Variants in ZFHX3 observed in about 807,000 individuals in gnomAD.
The protein encoded by ZFHX3 is zinc finger homeobox 3.
Under a neutral mutation model 279.1 loss-of-function variants are expected in ZFHX3, and 42 were observed. That is an observed-to-expected ratio of 0.15 (90% CI 0.12 to 0.19). ZFHX3 has a LOEUF of 0.19. Among genes scored for constraint, ZFHX3 ranks in the 10% least tolerant of loss-of-function variants. The pLI is 1.00. For missense variants in ZFHX3, 4,981 were observed against 4,754.0 expected (o/e 1.05, Z -1.40); for synonymous variants, 2,293 against 1,957.8 (o/e 1.17, Z -4.52).
chr16:73,400,335 T>C (rs897096736), intron 3 of ZFHX3: 2 of 152,234 alleles, frequency 1.3e-5, no homozygotes, highest in African/African-American at 4.8e-5. Flanking sequence ...GTACATGAGC[T>C]ATTGGTGTGA....
In ZFHX3 at chr16:73,509,756, C is replaced by T. The variant is rs576239864; in HGVS notation, c.-1546-53498G>A. ...TGTTGCCCAGGCTGGAGTGCAGTGG[C>T]GTGATCTCGGCTCACTGCAACCTCC... On this transcript the variant is annotated intron_variant, in intron 2 of 17. Transcript: ENST00000641206. Among the ~76,000 whole-genome samples the T allele has an allele frequency of 2.4e-4, 34 of 142,334 alleles. 1 individual carries two copies. The East Asian group carries it at 4.9e-3, about 21-fold the overall frequency. 93.4% of individuals were successfully genotyped at this position (142,334 alleles called of 152,430 possible). A position where few individuals can be genotyped will look rare whatever the true frequency, so the allele number is the denominator to read the frequency against.
intron 1 of ZFHX3, among the ~76,000 whole-genome samples, chr16:73,834,898 AG>A: frequency 7.5e-6 from 1 of 133,936 alleles, no homozygotes; most frequent in Non-Finnish European, 1.7e-5. Flanking sequence ...CAAAAAAAAA[AG>A]AAGCGTCTCC....
In ZFHX3 at chr16:72,815,000, T is replaced by A. The variant is rs1597267706; in HGVS notation, c.3530-2962A>T. Among the ~76,000 whole-genome samples the A allele has an allele frequency of 2.0e-5, 3 of 152,202 alleles. No homozygotes were observed. The South Asian group carries it at 6.2e-4, about 31-fold the overall frequency. ...TGATGTGGGGATGGCTCCTAAGAGT[T>A]AACTATGGCTGACACATGCCCCTCC... is the stretch of plus-strand genomic sequence containing the variant. On this transcript the variant is annotated intron_variant, in intron 5 of 9. Coordinates refer to ENST00000268489, the MANE Select transcript of ZFHX3 (RefSeq NM_006885.4).
In ZFHX3 at chr16:72,876,130, A is replaced by G. The variant is rs55839336; in HGVS notation, c.3448+13601T>C. Among the ~76,000 whole-genome samples, 884 of 152,334 alleles carry G rather than the reference A, an allele frequency of 5.8e-3. 5 individuals carry two copies. The highest frequency in any genetic ancestry group is 0.031 in the Middle Eastern group (9 of 294). On this transcript the variant is annotated intron_variant, in intron 4 of 9. Coordinates refer to ENST00000268489, the MANE Select transcript of ZFHX3 (RefSeq NM_006885.4). Reference sequence around the variant, plus strand: ...CCAACTTCGCCGCTTCATAAAACACACGTGCATGCATGCAACTTCAGAGGT... The same window carrying G: ...CCAACTTCGCCGCTTCATAAAACACGCGTGCATGCATGCAACTTCAGAGGT...
intron 5 of ZFHX3, among the ~76,000 whole-genome samples, chr16:73,220,395 G>A (rs2012370948): frequency 6.6e-6 from 1 of 151,894 alleles, no homozygotes; most frequent in Admixed American, 6.6e-5. Context: ...TATTAAAAAA[G>A]AAAATATGGG....
intron 2 of ZFHX3, among the ~76,000 whole-genome samples, chr16:73,614,543 A>G (rs1567533518): frequency 6.6e-6 from 1 of 152,188 alleles, no homozygotes; most frequent in Non-Finnish European, 1.5e-5. Flanking sequence ...GCTAACACTG[A>G]AGGGAATACA....
chr16:73,518,511 T>C (rs2019560256), intron 2 of ZFHX3, among the ~76,000 whole-genome samples: 2 of 152,100 alleles, frequency 1.3e-5, no homozygotes, highest in South Asian at 4.1e-4. Flanking sequence ...TGAGAGGAGA[T>C]GTGTCAGTCC....
chr16:73,582,793 C>T (rs563645350), intron 2 of ZFHX3, among the ~76,000 whole-genome samples: 17 of 151,898 alleles, frequency 1.1e-4, no homozygotes, highest in African/African-American at 3.6e-4. Flanking sequence ...TATTTTTTAT[C>T]TAGACTTCCC....
At chr16:73,592,166 G>A (rs943900525) in intron 2 of ZFHX3, among the ~76,000 whole-genome samples, 17 of 152,198 alleles carry the variant, frequency 1.1e-4, no homozygotes, top group Non-Finnish European at 2.2e-4. Flanking sequence ...TCAGGAGGCG[G>A]AGGTTGCAGT....
At chr16:73,051,129 C>T (rs1965442192), upstream of ZFHX3, among the ~76,000 whole-genome samples, 2 of 152,362 alleles carry the variant, frequency 1.3e-5, no homozygotes, top group East Asian at 1.9e-4. Flanking sequence ...TCTCTTTTCA[C>T]AGTACAGCGG....
intron 8 of ZFHX3, among the ~76,000 whole-genome samples, chr16:73,086,793 C>T (rs911974736): frequency 2.0e-5 from 3 of 152,064 alleles, no homozygotes; most frequent in Admixed American, 2.0e-4. Flanking sequence ...CTCTCAGCTA[C>T]TCGGGAGGCT....
intron 7 of ZFHX3, among the ~76,000 whole-genome samples, chr16:72,803,135 C>G (rs1381495472): frequency 6.6e-6 from 1 of 152,158 alleles, no homozygotes; most frequent in East Asian, 1.9e-4. Context: ...AGTTCAAGAC[C>G]AGCCTGGCCA....
At chr16:73,069,859 G>A (rs577588542) in intron 8 of ZFHX3, among the ~76,000 whole-genome samples, 1 of 152,304 alleles carries the variant, frequency 6.6e-6, no homozygotes, top group South Asian at 2.1e-4. Flanking sequence ...TGTTCGAAGA[G>A]TGATCTAAAT....
intron 1 of ZFHX3, among the ~76,000 whole-genome samples, chr16:73,001,671 T>C (rs1452455677): frequency 1.3e-5 from 2 of 151,666 alleles, no homozygotes; most frequent in East Asian, 3.9e-4. Flanking sequence ...TAAAAAAAGG[T>C]TAGCCAAGTG....
rs1202791290 is a variant in ZFHX3 at position 73,318,855 on chromosome 16, T to C, written c.-1290-519A>G. 4.6e-5 allele frequency among the ~76,000 whole-genome samples: 7 copies of C among 152,198 alleles called. No homozygotes were observed. The East Asian group carries it at 1.3e-3, about 29-fold the overall frequency. ...AGCTAAACAAAAGGTAATAGAACTT[T>C]TCAGCGCCCCTGCATAAATCAATTA... On this transcript the variant is annotated intron_variant, in intron 3 of 17. Coordinates refer to the ZFHX3 transcript ENST00000641206.
intron 3 of ZFHX3, among the ~76,000 whole-genome samples, chr16:72,891,543 C>T (rs754225312): frequency 6.6e-5 from 10 of 152,146 alleles, no homozygotes; most frequent in Non-Finnish European, 1.2e-4. Context: ...CAATGATTCA[C>T]TTTAGGGGAA....
At chr16:73,685,971 A>T (rs182760647) in intron 1 of ZFHX3, among the ~76,000 whole-genome samples, 466 of 152,366 alleles carry the variant, frequency 3.1e-3, no homozygotes, top group Non-Finnish European at 5.1e-3. Context: ...AAATGTGTTC[A>T]TGTATGTGTA....
chr16:73,056,908 T>C (rs957410727), intron 1 of ZFHX3, among the ~76,000 whole-genome samples: 1 of 152,230 alleles, frequency 6.6e-6, no homozygotes, highest in African/African-American at 2.4e-5. Flanking sequence ...AAAAACATAA[T>C]AAATCCTCAA....
intron 2 of ZFHX3, among the ~76,000 whole-genome samples, chr16:73,602,628 A>T (rs2052130605): frequency 6.6e-6 from 1 of 152,104 alleles, no homozygotes; most frequent in Non-Finnish European, 1.5e-5. Flanking sequence ...TTTCTTTCAC[A>T]CTTTATGGAA....
Sources: gnomAD v4.1 joint callset for allele counts (sites outside exome capture counted in the v4.1 genomes callset) on GRCh38, gnomAD v4.1.1 for gene constraint, MANE v1.5 for transcripts, NCBI Gene and HGNC (gene_info 2026-07-23, HGNC 2026-07-21) for gene names.